The following SHISA9 variants were observed in gnomAD, a reference collection of about 807,000 sequenced individuals.
SHISA9 encodes shisa family member 9.
Under a neutral mutation model 38.0 loss-of-function variants are expected in SHISA9, and 13 were observed. That is an observed-to-expected ratio of 0.34 (90% CI 0.22 to 0.54). SHISA9 has a LOEUF of 0.54. Ranked by LOEUF, SHISA9 falls within the 20% of genes least tolerant of loss-of-function variation. The probability of loss-of-function intolerance (pLI) is 0.91; values close to 1 mark genes in which losing one functional copy is unlikely to be tolerated. For synonymous variants in SHISA9, 275 were observed against 242.0 expected (o/e 1.14, Z -1.27); for missense variants, 538 against 575.8 (o/e 0.93, Z 0.67).
rs891120385 is a variant in SHISA9 at position 13,203,405 on chromosome 16, A to C, written c.703A>C (p.Met235Leu). 1.3e-6 allele frequency: 2 copies of C among 1,533,496 alleles called. No homozygotes were observed. The highest frequency in any genetic ancestry group is 2.8e-5 in the African/African-American group (2 of 72,236). The allele number at this position is 1,533,496 out of a possible 1,614,324, so 95.0% of individuals were successfully genotyped here. A position where few individuals can be genotyped will look rare whatever the true frequency, so the allele number is the denominator to read the frequency against. Residue 235 changes from methionine to leucine, a missense_variant, in exon 3 of 5, where the codon ATG becomes CTG. Physicochemically the swap from Met to Leu is conservative, Grantham distance 15. Transcript: ENST00000558583. ...GTCTTCACTTCCAGATGCCACCCAG[A>C]TGAACAACGCAGTGCCCACCTCTCC... ...TPINNLHATQ[M>L]NNAVPTSPLL...
At chr16:13,367,299 T>G in the SHISA9 span, among the ~76,000 whole-genome samples, 1 of 148,824 alleles carries the variant, frequency 6.7e-6, no homozygotes, top group Non-Finnish European at 1.5e-5. Flanking sequence ...CCCATTATGT[T>G]GGAGTCTAAA....
chr16:13,042,189 T>C (rs1342498491), intron 2 of SHISA9, among the ~76,000 whole-genome samples: 1 of 152,216 alleles, frequency 6.6e-6, no homozygotes, highest in Non-Finnish European at 1.5e-5. Flanking sequence ...ACAAGGACAC[T>C]GGGAATCTTG....
At chr16:12,979,673 C>G in intron 2 of SHISA9, among the ~76,000 whole-genome samples, 1 of 151,814 alleles carries the variant, frequency 6.6e-6, no homozygotes, top group Non-Finnish European at 1.5e-5. Context: ...ATTTTCTTTT[C>G]TTTTTTTTCC....
chr16:13,229,902 A>T (rs2051314590), intron 4 of SHISA9, among the ~76,000 whole-genome samples: 1 of 152,194 alleles, frequency 6.6e-6, no homozygotes, highest in African/African-American at 2.4e-5. Context: ...TGCAGCTCAG[A>T]CACCTGGTTC....
intron 2 of SHISA9, among the ~76,000 whole-genome samples, chr16:12,931,359 G>C (rs575764157): frequency 6.6e-6 from 1 of 152,286 alleles, no homozygotes; most frequent in South Asian, 2.1e-4. Context: ...GCTAAGGTCC[G>C]GGGTGCAAAT....
chr16:13,503,203 C>T, the SHISA9 span, among the ~76,000 whole-genome samples: 27 of 152,200 alleles, frequency 1.8e-4, no homozygotes, highest in Admixed American at 1.8e-3. Context: ...CTCTAAGGAG[C>T]CTAGTTTGCT....
the SHISA9 span, among the ~76,000 whole-genome samples, chr16:13,327,587 G>A: frequency 6.6e-6 from 1 of 151,984 alleles, no homozygotes; most frequent in Non-Finnish European, 1.5e-5. Flanking sequence ...CTGCACTCCA[G>A]CCTGGGTGAC....
At chr16:13,066,936 A>G (rs1048662345) in intron 2 of SHISA9, among the ~76,000 whole-genome samples, 11 of 152,160 alleles carry the variant, frequency 7.2e-5, no homozygotes, top group African/African-American at 2.4e-4. Flanking sequence ...CTTTTAGGTC[A>G]CAGTCTGAAC....
intron 2 of SHISA9, among the ~76,000 whole-genome samples, chr16:13,037,397 G>C (rs935986809): frequency 6.6e-6 from 1 of 151,718 alleles, no homozygotes; most frequent in Non-Finnish European, 1.5e-5. Flanking sequence ...ATAGAAACAA[G>C]TGTTACATAA....
intron 2 of SHISA9, among the ~76,000 whole-genome samples, chr16:12,995,264 T>C (rs1290341769): frequency 6.6e-6 from 1 of 152,164 alleles, no homozygotes; most frequent in Non-Finnish European, 1.5e-5. Context: ...GTTTTAAAAG[T>C]ACAATTAAGT....
rs536391472 is a variant in SHISA9, at chr16:12,905,961, C to A, written c.563+3334C>A. 4.6e-5 allele frequency among the ~76,000 whole-genome samples: 7 copies of A among 152,328 alleles called. No individual in the cohort carries two copies. In the South Asian group the frequency reaches 1.5e-3, roughly 32 times the overall value. ...TAACTTTTCTGTGGTGCTGGGGCTA[C>A]CCCAGGTACCTGCCAAATGCATCCT... is the stretch of plus-strand genomic sequence containing the variant. On this transcript the variant is annotated intron_variant, in intron 1 of 4. Transcript: ENST00000558583.
Position 12,916,735 on chromosome 16 carries a change from A to G in SHISA9, c.611A>G (p.His204Arg), listed in dbSNP as rs1045807042. 4 of 1,552,058 alleles carry G rather than the reference A, an allele frequency of 2.6e-6. No homozygotes were observed. Among genetic ancestry groups the G allele is most frequent in the African/African-American group, 1.4e-5 (1 of 73,068 alleles). Residue 204 changes from histidine to arginine, a missense_variant, in exon 2 of 5, where the codon CAC (histidine) becomes CGC (arginine). This residue lies in a region of SHISA9 where 326 missense variants were observed against 305.9 expected (regional missense o/e 1.07). Coordinates refer to ENST00000558583, the MANE Select transcript of SHISA9 (RefSeq NM_001145204.3). The part of the protein sequence containing the change: ...MRPQGHCNTD[H>R]MERDLNIVVH... ...CCACAGGGCCACTGCAACACTGATC[A>G]CATGGAGAGAGACCTAAACATCGTT...
intron 2 of SHISA9, among the ~76,000 whole-genome samples, chr16:13,176,427 A>G (rs934598399): frequency 3.3e-4 from 50 of 152,206 alleles, no homozygotes; most frequent in African/African-American, 1.2e-3. Context: ...CCTGACCCCA[A>G]AGTCTTTCCA....
At chr16:13,184,542 A>T (rs571074548) in intron 2 of SHISA9, among the ~76,000 whole-genome samples, 32 of 152,356 alleles carry the variant, frequency 2.1e-4, no homozygotes, top group African/African-American at 7.2e-4. Context: ...ACAAATGCGT[A>T]GAGTGCTGTA....
intron 2 of SHISA9, among the ~76,000 whole-genome samples, chr16:13,010,633 CTG>C (rs2072660273): frequency 6.6e-6 from 1 of 152,298 alleles, no homozygotes; most frequent in Non-Finnish European, 1.5e-5. Flanking sequence ...TTCCTCTACA[CTG>C]AGTATCTGGC....
the SHISA9 span, among the ~76,000 whole-genome samples, chr16:13,507,525 G>A: frequency 6.6e-6 from 1 of 152,128 alleles, no homozygotes; most frequent in East Asian, 1.9e-4. Flanking sequence ...ATCTTGTTTT[G>A]GGAGGTCTGA....
At chr16:12,981,151 A>G (rs553590619) in intron 2 of SHISA9, among the ~76,000 whole-genome samples, 1 of 152,298 alleles carries the variant, frequency 6.6e-6, no homozygotes, top group Non-Finnish European at 1.5e-5. Flanking sequence ...GGCAATGTGG[A>G]TGCGCAAAGG....
At chr16:12,947,201 T>C (rs2071699845) in intron 2 of SHISA9, among the ~76,000 whole-genome samples, 1 of 152,202 alleles carries the variant, frequency 6.6e-6, no homozygotes. Context: ...AGTGGGTTAA[T>C]GCAGGTACAG....
the SHISA9 span, among the ~76,000 whole-genome samples, chr16:13,380,576 C>T: frequency 3.9e-5 from 6 of 152,086 alleles, no homozygotes; most frequent in Non-Finnish European, 7.4e-5. Context: ...TTCAAATTTG[C>T]AAGTTTTCAG....
Sources: gnomAD v4.1 joint callset for allele counts (sites outside exome capture counted in the v4.1 genomes callset) on GRCh38, gnomAD v4.1.1 for gene constraint, gnomAD v4.1.1 regional missense constraint, MANE v1.5 for transcripts, NCBI Gene and HGNC (gene_info 2026-07-23, HGNC 2026-07-21) for gene names.